HERC2: variants seen among roughly 807,000 people sequenced by gnomAD.
HERC2 encodes the protein E3 ubiquitin-protein ligase HERC2.
A neutral mutation model predicts 537.7 loss-of-function variants in HERC2; 102 were observed. The observed-to-expected ratio is 0.19, with a 90% CI of 0.16 to 0.22. The LOEUF is 0.22. Among genes scored for constraint, HERC2 ranks in the 10% least tolerant of loss-of-function variants. The pLI, the probability that HERC2 is intolerant of heterozygous loss-of-function variation, is 1.00. For missense variants in HERC2, 4,236 were observed against 6,198.2 expected (o/e 0.68, Z 10.63); for synonymous variants, 2,224 against 2,466.2 (o/e 0.90, Z 2.91).
At chr15:28,163,032 G>C (rs983012825) in intron 69 of HERC2, 62 bp downstream of exon 69, 3 of 1,387,768 alleles carry the variant, frequency 2.2e-6, no homozygotes, top group Non-Finnish European at 3.0e-6. Flanking sequence ...CTCCTTTGGA[G>C]AGGAGGGTGG....
intron 69 of HERC2, among the ~76,000 whole-genome samples, chr15:28,159,640 T>G (rs1220308451): frequency 1.3e-5 from 2 of 152,164 alleles, no homozygotes; most frequent in Admixed American, 1.3e-4. Flanking sequence ...CGTCTAATCT[T>G]TTTTCAAGGT....
In HERC2 at chr15:28,260,979, G is replaced by A. The variant is rs2075400690; in HGVS notation, c.2123-9C>T. On this transcript the variant is annotated splice_polypyrimidine_tract_variant and intron_variant, in intron 15 of 92. Transcript: ENST00000261609. ...ATCAATCACCTTCTTCCCTACAAGGGAAGAGGGATGCAGATGCAGCTTCAA... is the reference window on the plus strand; with the variant it reads ...ATCAATCACCTTCTTCCCTACAAGGAAAGAGGGATGCAGATGCAGCTTCAA... 2 of 1,607,110 alleles carry A rather than the reference G, an allele frequency of 1.2e-6. No homozygotes were observed. The highest frequency in any genetic ancestry group is 1.3e-5 in the African/African-American group (1 of 74,812).
At chr15:28,146,189 G>A (rs1378060271) in intron 71 of HERC2, 48 bp downstream of exon 71, 2 of 1,265,604 alleles carry the variant, frequency 1.6e-6, no homozygotes, top group Admixed American at 1.7e-5. Context: ...TTGTGTCTAC[G>A]GAGACACAGG....
At position 28,167,847 on chromosome 15, in the gene HERC2, T is replaced by C. The variant is rs771755884; in HGVS notation, c.10414-20A>G. ...AACAATCTAGTCCAAGAGTGCACAG[T>C]AGGGGAAGTTTAAGTGGAAAAACTC... On this transcript the variant is annotated intron_variant, in intron 67 of 92. Transcript: ENST00000261609. The C allele has an allele frequency of 5.1e-6, 8 of 1,583,318 alleles. No individual in the cohort carries two copies. In the Admixed American group the frequency reaches 5.9e-5, roughly 12 times the overall value.
chr15:28,143,975 C>T lies in HERC2; in HGVS notation c.11316G>A (p.Met3772Ile), dbSNP rs1452329354. ...QLSALAASHR[M>I]WALQRLRKLL... ...GCTTCCTCAGTCTCTGAAGGGCCCA[C>T]ATTCTGTGACTGGCAGCTGAAATGA... Residue 3772 changes from methionine to isoleucine, a missense_variant, in exon 74 of 93, where the codon ATG becomes ATA. Transcript: ENST00000261609. 2 of 1,614,132 alleles carry T rather than the reference C, an allele frequency of 1.2e-6. No homozygotes were observed. Among genetic ancestry groups the T allele is most frequent in the African/African-American group, 1.3e-5 (1 of 75,048 alleles).
At chr15:28,180,648 T>C (rs757820406) in intron 57 of HERC2, among the ~76,000 whole-genome samples, 1 of 150,536 alleles carries the variant, frequency 6.6e-6, no homozygotes, top group Non-Finnish European at 1.5e-5. Context: ...AACAGTTCCA[T>C]AGTAGAAAGT....
At chr15:28,180,186 G>A (rs1371945279) in intron 57 of HERC2, among the ~76,000 whole-genome samples, 2 of 152,080 alleles carry the variant, frequency 1.3e-5, no homozygotes, top group Admixed American at 6.6e-5. Context: ...GTACCTTTTC[G>A]ATGTTTAAAT....
At chr15:28,123,548 GTTAA>G (rs1005871846) in intron 85 of HERC2, among the ~76,000 whole-genome samples, 1 of 152,130 alleles carries the variant, frequency 6.6e-6, no homozygotes, top group African/African-American at 2.4e-5. Context: ...TTCACCACCT[GTTAA>G]TTCTCACTTG....
intron 35 of HERC2, among the ~76,000 whole-genome samples, chr15:28,224,696 G>C (rs975127924): frequency 2.6e-5 from 4 of 152,166 alleles, no homozygotes; most frequent in Non-Finnish European, 4.4e-5. Context: ...AAAAAGAGCA[G>C]AATACACATT....
chr15:28,114,147 G>C (rs1018470963), intron 90 of HERC2, among the ~76,000 whole-genome samples: 22 of 152,332 alleles, frequency 1.4e-4, no homozygotes, highest in African/African-American at 5.3e-4. Context: ...GCTTCCAGGG[G>C]ACATGGGACA....
In HERC2 at chr15:28,238,587, C is replaced by A. The variant is rs773474457; in HGVS notation, c.3748+15G>T. The A allele has an allele frequency of 1.9e-6, 3 of 1,598,896 alleles. No homozygotes were observed. Among genetic ancestry groups the A allele is most frequent in the Non-Finnish European group, 1.7e-6 (2 of 1,169,462 alleles). On this transcript the variant is annotated intron_variant, in intron 24 of 92. Coordinates refer to ENST00000261609, the MANE Select transcript of HERC2 (RefSeq NM_004667.6). ...GTTGTAACTTTTAACCAGGAAATAA[C>A]AAGTGTAATCTTACCAAGAATACTA...
rs111460644 is a variant in HERC2, at chr15:28,139,232, A to C, written c.12015+2200T>G. Among the ~76,000 whole-genome samples, 626 of 152,314 alleles carry C rather than the reference A, an allele frequency of 4.1e-3. 4 individuals carry two copies. The highest frequency in any genetic ancestry group is 0.014 in the African/African-American group (596 of 41,548). On this transcript the variant is annotated intron_variant, in intron 78 of 92. Coordinates refer to ENST00000261609, the MANE Select transcript of HERC2 (RefSeq NM_004667.6). ...TTAATGACCTGCTTCTGATGAGCAG[A>C]ATAGGGCAAGAACTGGAGTGTGGTC... is the stretch of plus-strand genomic sequence containing the variant.
At position 28,301,414 on chromosome 15, in the gene HERC2, C is replaced by G. The variant is rs1424101085; in HGVS notation, c.73-1898G>C. On this transcript the variant is annotated intron_variant, in intron 2 of 92. Coordinates refer to ENST00000261609, the MANE Select transcript of HERC2 (RefSeq NM_004667.6). ...TGGGTGACAGAGCAAGACTTTACCT[C>G]AAACAAAAAAAAAAAGCAGCTGTTC... 1.4e-5 allele frequency among the ~76,000 whole-genome samples: 2 copies of G among 147,604 alleles called. 1 individual carries two copies. Among genetic ancestry groups the G allele is most frequent in the South Asian group, 4.4e-4 (2 of 4,552 alleles).
At position 28,233,459 on chromosome 15, in the gene HERC2, T is replaced by C. The variant is rs374665784; in HGVS notation, c.4454A>G (p.Tyr1485Cys). ...CTTAATGAGCGAACATTTTGCTTGG[T>C]AGACAACTCTACAAACATCCACCAC... ...KSVVDVCRVV[Y>C]QAKCSLIKTH... The change falls in exon 29 of 93, where the codon TAC becomes TGC. Residue 1485 changes from tyrosine (Y) to cysteine (C), a missense_variant. This residue lies in a region of HERC2 where 94 missense variants were observed against 174.9 expected (regional missense o/e 0.54). Coordinates refer to ENST00000261609, the MANE Select transcript of HERC2 (RefSeq NM_004667.6). 7.8e-6 allele frequency: 11 copies of C among 1,418,202 alleles called. No homozygotes were observed. Among genetic ancestry groups the C allele is most frequent in the African/African-American group, 4.2e-5 (3 of 70,670 alleles). The allele number at this position is 1,418,202 out of a possible 1,614,324, so 87.9% of individuals were successfully genotyped here.
intron 70 of HERC2, among the ~76,000 whole-genome samples, chr15:28,151,721 A>G (rs1247164558): frequency 6.6e-6 from 1 of 152,060 alleles, no homozygotes; most frequent in Non-Finnish European, 1.5e-5. Context: ...TAATAACAAT[A>G]GAGTAAAACA....
intron 70 of HERC2, among the ~76,000 whole-genome samples, chr15:28,149,262 C>T (rs1473701173): frequency 6.7e-6 from 1 of 150,350 alleles, no homozygotes; most frequent in Non-Finnish European, 1.5e-5. Context: ...CACACGAACA[C>T]GTGTTCTAGT....
At chr15:28,295,313 G>C (rs1305204213) in intron 3 of HERC2, among the ~76,000 whole-genome samples, 2 of 138,402 alleles carry the variant, frequency 1.4e-5, no homozygotes, top group Admixed American at 7.1e-5. Context: ...GTGTGTGGGG[G>C]GGGGGGAGTG....
In HERC2 at chr15:28,256,315, C is replaced by G. The variant is rs770791450; in HGVS notation, c.2520G>C (p.Leu840Phe). 6.3e-7 allele frequency: 1 copy of G among 1,586,840 alleles called. No individual in the cohort carries two copies. Among genetic ancestry groups the G allele is most frequent in the African/African-American group, 1.3e-5 (1 of 74,818 alleles). The part of the protein sequence containing the change: ...VATLNLLRLQ[L>F]HAAISHQVDP... Reference sequence around the variant, plus strand: ...CAACCTGGTGACTAATGGCAGCATGCAACTGAAAGGAGAAAAACAATTTTC... The same window carrying G: ...CAACCTGGTGACTAATGGCAGCATGGAACTGAAAGGAGAAAAACAATTTTC... The change falls in exon 18 of 93, where the codon TTG (leucine) becomes TTC (phenylalanine). Residue 840 changes from leucine (L) to phenylalanine (F), a missense_variant and splice_region_variant. Physicochemically the swap from Leu to Phe is conservative, Grantham distance 22 (BLOSUM62 0). Around this residue, in one of 27 missense-constraint regions of HERC2, gnomAD observed 754 missense variants for 1,085.0 expected, o/e 0.69. Transcript: ENST00000261609.
chr15:28,241,941 T>G (rs1903170799), intron 23 of HERC2, among the ~76,000 whole-genome samples: 1 of 152,220 alleles, frequency 6.6e-6, no homozygotes, highest in African/African-American at 2.4e-5. Flanking sequence ...AACTGATGGA[T>G]GGACAGCAAA....
Sources: allele counts gnomAD v4.1 joint callset (sites outside exome capture counted in the v4.1 genomes callset), GRCh38; gene constraint gnomAD v4.1.1; regional missense constraint gnomAD v4.1.1; transcripts MANE v1.5; gene names NCBI Gene and HGNC (gene_info 2026-07-23, HGNC 2026-07-21).